ZNF385D: variants seen among roughly 807,000 people sequenced by gnomAD.
The protein encoded by ZNF385D is zinc finger protein 659.
Under a neutral mutation model 35.8 loss-of-function variants are expected in ZNF385D, and 15 were observed. The observed-to-expected ratio is 0.42, with a 90% confidence interval of 0.28 to 0.64. The LOEUF is 0.64. Among genes scored for constraint, ZNF385D ranks in the 30% least tolerant of loss-of-function variants. The pLI is 0.23. For missense variants in ZNF385D, 474 were observed against 494.6 expected (o/e 0.96, Z 0.39); for synonymous variants, 212 against 186.8 (o/e 1.13, Z -1.10).
intron 3 of ZNF385D, among the ~76,000 whole-genome samples, chr3:22,098,762 A>C (rs1192793574): frequency 6.6e-6 from 1 of 152,190 alleles, no homozygotes; most frequent in Non-Finnish European, 1.5e-5. Flanking sequence ...CCCCAAATAA[A>C]GAAAACTATA....
intron 2 of ZNF385D, among the ~76,000 whole-genome samples, chr3:22,370,687 C>G (rs907570257): frequency 6.6e-6 from 1 of 152,132 alleles, no homozygotes; most frequent in African/African-American, 2.4e-5. Context: ...GGGACTTTTC[C>G]CAATTTAACA....
chr3:21,483,852 T>G (rs1454216447), intron 4 of ZNF385D, among the ~76,000 whole-genome samples: 2 of 152,222 alleles, frequency 1.3e-5, no homozygotes, highest in Admixed American at 1.3e-4. Context: ...TTAAAAAATT[T>G]TCTCCTGGAC....
At chr3:21,530,401 G>A (rs1378810879) in intron 3 of ZNF385D, among the ~76,000 whole-genome samples, 1 of 152,156 alleles carries the variant, frequency 6.6e-6, no homozygotes, top group Admixed American at 6.5e-5. Flanking sequence ...AAGTACTGGA[G>A]TCTCCATCCT....
chr3:21,436,464 A>G (rs1050459359), intron 5 of ZNF385D, among the ~76,000 whole-genome samples: 1 of 152,184 alleles, frequency 6.6e-6, no homozygotes, highest in Non-Finnish European at 1.5e-5. Flanking sequence ...TTTAGAAATC[A>G]CATCTGAATG....
At chr3:21,567,078 T>C (rs1192410871) in intron 2 of ZNF385D, among the ~76,000 whole-genome samples, 1 of 151,948 alleles carries the variant, frequency 6.6e-6, no homozygotes, top group East Asian at 1.9e-4. Flanking sequence ...ATGCACTACA[T>C]GTATTTATCC....
At chr3:21,977,990 T>C (rs188049368) in intron 3 of ZNF385D, among the ~76,000 whole-genome samples, 21 of 152,310 alleles carry the variant, frequency 1.4e-4, no homozygotes, top group African/African-American at 3.6e-4. Flanking sequence ...GTAGTTGGTA[T>C]AGCCAAAGGA....
intron 3 of ZNF385D, among the ~76,000 whole-genome samples, chr3:21,777,379 G>A (rs1361688648): frequency 9.9e-5 from 15 of 151,798 alleles, no homozygotes; most frequent in South Asian, 2.1e-4. Flanking sequence ...TCTCTCTACC[G>A]AGGTTGGGGC....
intron 4 of ZNF385D, among the ~76,000 whole-genome samples, chr3:21,504,670 G>A (rs1706636841): frequency 6.6e-6 from 1 of 152,056 alleles, no homozygotes; most frequent in Non-Finnish European, 1.5e-5. Flanking sequence ...GAGCTTTATA[G>A]GCAGGAGGAA....
upstream of ZNF385D, among the ~76,000 whole-genome samples, chr3:21,751,923 G>A (rs1055286593): frequency 6.6e-6 from 1 of 151,800 alleles, no homozygotes; most frequent in East Asian, 1.9e-4. Context: ...GAAACGGAGA[G>A]ACGATTAGCC....
chr3:22,190,853 C>T (rs1275433926), intron 2 of ZNF385D, among the ~76,000 whole-genome samples: 2 of 151,788 alleles, frequency 1.3e-5, no homozygotes, highest in African/African-American at 4.8e-5. Flanking sequence ...TCTAGTTTAA[C>T]ATGATAAATC....
chr3:22,027,457 C>A (rs904905244), intron 3 of ZNF385D, among the ~76,000 whole-genome samples: 3 of 152,174 alleles, frequency 2.0e-5, no homozygotes, highest in Non-Finnish European at 2.9e-5. Context: ...TTTGGCAGGT[C>A]CCCATTGATG....
intron 2 of ZNF385D, among the ~76,000 whole-genome samples, chr3:22,262,154 T>C (rs1700665612): frequency 6.6e-6 from 1 of 151,968 alleles, no homozygotes; most frequent in Non-Finnish European, 1.5e-5. Context: ...TTCTTTTGCC[T>C]AGAGATTTAC....
At chr3:21,976,100 C>T (rs1202227295) in intron 3 of ZNF385D, among the ~76,000 whole-genome samples, 1 of 152,066 alleles carries the variant, frequency 6.6e-6, no homozygotes, top group Non-Finnish European at 1.5e-5. Context: ...TAGAGGGATC[C>T]TGAACCTTAC....
In ZNF385D at chr3:21,759,785, T is replaced by A. The variant is rs556414429; in HGVS notation, c.326-94757A>T. Among the ~76,000 whole-genome samples the A allele has an allele frequency of 7.9e-5, 12 of 152,286 alleles. No individual in the cohort carries two copies. In the East Asian group the frequency reaches 2.3e-3, roughly 29 times the overall value. ...GTTATATTGAATTTCTTATTTTGCC[T>A]TTAAAAAAAGAGATTCTTCATGATA... On this transcript the variant is annotated intron_variant, in intron 3 of 5. Coordinates refer to the ZNF385D transcript ENST00000494108.
intron 3 of ZNF385D, among the ~76,000 whole-genome samples, chr3:21,806,816 G>A (rs1234483073): frequency 6.6e-6 from 1 of 152,152 alleles, no homozygotes; most frequent in South Asian, 2.1e-4. Context: ...CTTGACCTGG[G>A]AGAAGACTCT....
At chr3:22,026,927 C>T (rs1406340676) in intron 3 of ZNF385D, among the ~76,000 whole-genome samples, 1 of 152,102 alleles carries the variant, frequency 6.6e-6, no homozygotes, top group Non-Finnish European at 1.5e-5. Flanking sequence ...TAAGATTAAC[C>T]AAACAGTGAC....
At chr3:21,655,877 C>G (rs1262672685) in intron 2 of ZNF385D, among the ~76,000 whole-genome samples, 2 of 151,938 alleles carry the variant, frequency 1.3e-5, no homozygotes, top group Non-Finnish European at 2.9e-5. Context: ...TTTAGATAAC[C>G]TGCAATATGC....
At chr3:21,740,296 A>G (rs916134494) in intron 1 of ZNF385D, among the ~76,000 whole-genome samples, 7 of 152,186 alleles carry the variant, frequency 4.6e-5, no homozygotes, top group Non-Finnish European at 1.0e-4. Flanking sequence ...TCAAAGTGTG[A>G]CCAGTGGGTG....
chr3:22,039,030 A>T (rs711689), intron 3 of ZNF385D, among the ~76,000 whole-genome samples: 39,233 of 151,376 alleles, frequency 0.26, 5,911 homozygotes, highest in East Asian at 0.46. Context: ...TTATGTAGTG[A>T]TCTGAAGAAG....
Sources: allele counts gnomAD v4.1 joint callset (sites outside exome capture counted in the v4.1 genomes callset), GRCh38; gene constraint gnomAD v4.1.1; transcripts MANE v1.5; gene names NCBI Gene and HGNC (gene_info 2026-07-23, HGNC 2026-07-21).